Variants in CROCC2 observed in about 807,000 individuals in gnomAD.
The protein encoded by CROCC2 is ciliary rootlet coiled-coil protein 2.
A neutral mutation model predicts 177.6 loss-of-function variants in CROCC2; 163 were observed. The observed-to-expected ratio is 0.92, with a 90% CI of 0.81 to 1.05. The LOEUF is 1.05. Among genes scored for constraint, CROCC2 ranks in the 50% least tolerant of loss-of-function variants. CROCC2 has a pLI of 0.00. For synonymous variants in CROCC2, 904 were observed against 787.3 expected (o/e 1.15, Z -2.48); for missense variants, 1,929 against 1,797.8 (o/e 1.07, Z -1.32).
intron 30 of CROCC2, 91 bp from the exon 31 acceptor site, chr2:240,991,105 C>A: frequency 1.1e-6 from 1 of 939,468 alleles, no homozygotes; most frequent in Non-Finnish European, 1.5e-6. Flanking sequence ...GCCTCCAGCC[C>A]TTCCTGTCAC....
intron 3 of CROCC2, among the ~76,000 whole-genome samples, chr2:240,922,035 C>T (rs2059359877): frequency 6.6e-6 from 1 of 152,116 alleles, no homozygotes. Context: ...AGAGGAACCA[C>T]ACTCAATCTC....
At chr2:240,919,921 C>A in intron 2 of CROCC2, 62 bp from the exon 3 acceptor site, 4 of 674,496 alleles carry the variant, frequency 5.9e-6, no homozygotes. Context: ...GGAGACAGGG[C>A]ACAAGGCTGA....
chr2:240,940,263 G>C (rs1466121844), intron 14 of CROCC2, among the ~76,000 whole-genome samples: 1 of 151,982 alleles, frequency 6.6e-6, no homozygotes, highest in Non-Finnish European at 1.5e-5. Context: ...CTATTATTAG[G>C]TGTATATATA....
At chr2:240,974,992 G>A (rs2059749379) in intron 27 of CROCC2, among the ~76,000 whole-genome samples, 1 of 152,128 alleles carries the variant, frequency 6.6e-6, no homozygotes, top group African/African-American at 2.4e-5. Flanking sequence ...TTTGATCAGT[G>A]TCTGGGTGGA....
At position 240,968,100 on chromosome 2, in the gene CROCC2, CCCCTCAAGCCACCCTGCT is replaced by C; in HGVS notation, c.4268-28_4268-11del. The C allele has an allele frequency of 7.1e-7, 1 of 1,407,988 alleles. No homozygotes were observed. The highest frequency in any genetic ancestry group is 9.2e-7 in the Non-Finnish European group (1 of 1,082,008). The allele number at this position is 1,407,988 out of a possible 1,614,324, so 87.2% of individuals were successfully genotyped here. ...CTGTGACCTGGGAGGGGCATGGGGG[CCCCTCAAGCCACCCTGCT>C]TGCCCCACAGGCCAGCGCCGGGTGG... On this transcript the variant is annotated splice_polypyrimidine_tract_variant and intron_variant, in intron 26 of 31. Coordinates refer to ENST00000690015, the MANE Select transcript of CROCC2 (RefSeq NM_001351305.2).
intron 1 of CROCC2, among the ~76,000 whole-genome samples, chr2:240,914,607 C>CCCACCCCTCACTCAGGAGGTTCGCCCT: frequency 6.6e-6 from 1 of 152,334 alleles, no homozygotes; most frequent in South Asian, 2.1e-4. Context: ...CTGCCTCCAT[C>CCCACCCCTCACTCAGGAGGTTCGCCCT]CCACCCCTCA....
In CROCC2 at chr2:240,965,468, C is replaced by T. The variant is rs767630755; in HGVS notation, c.3553C>T (p.Arg1185Trp). ...AQCSQEVLEL[R>W]RQAAKAEAKH... is the part of the protein sequence containing the mutation. ...GTGCTCGCAGGAGGTGCTGGAGCTG[C>T]GGAGGCAGGCAGCCAAGGCAGAGGC... The change falls in exon 23 of 32, where the codon CGG becomes TGG. Residue 1185 changes from arginine to tryptophan, a missense_variant. Around this residue, in one of 3 missense-constraint regions of CROCC2, gnomAD observed 144 missense variants for 205.2 expected, o/e 0.70. Coordinates refer to ENST00000690015, the MANE Select transcript of CROCC2 (RefSeq NM_001351305.2). 13 of 1,549,842 alleles carry T rather than the reference C, an allele frequency of 8.4e-6. No individual in the cohort carries two copies. The highest frequency in any genetic ancestry group is 4.1e-5 in the African/African-American group (3 of 73,016).
At chr2:240,921,792 C>T (rs2059358878) in intron 3 of CROCC2, among the ~76,000 whole-genome samples, 1 of 152,228 alleles carries the variant, frequency 6.6e-6, no homozygotes, top group Non-Finnish European at 1.5e-5. Context: ...AGGAGGGGCC[C>T]CTTGGCTCTC....
rs2059605058 is a variant in CROCC2 at position 240,958,093 on chromosome 2, C to T, written c.2944-1208C>T. The T allele has an allele frequency of 1.0e-6, 1 of 985,270 alleles. No homozygotes were observed. 61.0% of individuals were successfully genotyped at this position (985,270 alleles called of 1,614,324 possible). On this transcript the variant is annotated intron_variant, in intron 19 of 31. Coordinates refer to ENST00000690015, the MANE Select transcript of CROCC2 (RefSeq NM_001351305.2). This position sits in a 1 kb window ranked among gnomAD's most constrained non-coding sequence, Gnocchi z 6.7. ...AGCTCGTTAAGGGTTCCTTTGCCACCTCGGCTCAGAAAATGGAAATTAAAA... is the reference window on the plus strand; with the variant it reads ...AGCTCGTTAAGGGTTCCTTTGCCACTTCGGCTCAGAAAATGGAAATTAAAA...
chr2:240,959,046 G>T (rs905218733), intron 19 of CROCC2: 9 of 440,858 alleles, frequency 2.0e-5, no homozygotes, highest in African/African-American at 1.4e-4. Flanking sequence ...GAGCTGAGGG[G>T]CTGCCTCCTG....
intron 5 of CROCC2, among the ~76,000 whole-genome samples, chr2:240,928,454 A>G (rs1392280205): frequency 2.1e-5 from 2 of 96,892 alleles, no homozygotes; most frequent in Admixed American, 1.1e-4. Context: ...GTGTGTGTGT[A>G]GCAAGAAATT....
intron 14 of CROCC2, among the ~76,000 whole-genome samples, chr2:240,938,518 T>C (rs1156381158): frequency 6.6e-6 from 1 of 152,264 alleles, no homozygotes; most frequent in Non-Finnish European, 1.5e-5. Flanking sequence ...TTGTTCTTTT[T>C]CAAGATCGTT....
intron 25 of CROCC2, 95 bp from the exon 26 acceptor site, chr2:240,967,250 T>C: frequency 1.9e-6 from 1 of 527,670 alleles, no homozygotes; most frequent in African/African-American, 1.9e-5. Context: ...GGCCAGACCG[T>C]GAGCGGCCCC....
chr2:240,934,505 C>A (rs552791168), intron 12 of CROCC2, 30 bp downstream of exon 12: 3 of 1,535,608 alleles, frequency 2.0e-6, no homozygotes, highest in African/African-American at 2.7e-5. Flanking sequence ...ACCCCGCCCC[C>A]TCTCCTGTCT....
At chr2:240,963,420 G>A in intron 20 of CROCC2, 136 bp from the exon 21 acceptor site, 1 of 896,804 alleles carries the variant, frequency 1.1e-6, no homozygotes, top group East Asian at 2.7e-5. Context: ...GCTCCATGGG[G>A]TGAGCAAAGC....
chr2:240,933,324 C>A lies in CROCC2; in HGVS notation c.1445C>A (p.Ser482Tyr). 6.5e-7 allele frequency: 1 copy of A among 1,527,248 alleles called. No homozygotes were observed. The highest frequency in any genetic ancestry group is 8.8e-7 in the Non-Finnish European group (1 of 1,139,368). 94.6% of individuals were successfully genotyped at this position (1,527,248 alleles called of 1,614,324 possible). Residue 482 changes from serine to tyrosine, a missense_variant, in exon 10 of 32, where the codon TCC becomes TAC. By Grantham distance (144) the Ser-to-Tyr change is moderately radical. Around this residue, in one of 3 missense-constraint regions of CROCC2, gnomAD observed 1,397 missense variants for 1,239.9 expected, o/e 1.13. Coordinates refer to ENST00000690015, the MANE Select transcript of CROCC2 (RefSeq NM_001351305.2). ...QRLEVQQCRA[S>Y]CKLLGREKAA... ...CTCGAGGTGCAGCAGTGCCGGGCATCCTGCAAGCTCCTGGGGAGGTAATGG... is the reference window on the plus strand; with the variant it reads ...CTCGAGGTGCAGCAGTGCCGGGCATACTGCAAGCTCCTGGGGAGGTAATGG...
intron 18 of CROCC2, chr2:240,950,978 T>G (rs1360431164): frequency 6.3e-6 from 1 of 157,602 alleles, no homozygotes; most frequent in Non-Finnish European, 1.4e-5. Flanking sequence ...CATCCATCCA[T>G]CCACCCATCC....
chr2:240,932,216 G>T, intron 7 of CROCC2, 102 bp from the exon 8 acceptor site: 1 of 627,776 alleles, frequency 1.6e-6, no homozygotes. Flanking sequence ...AGCACCGGCA[G>T]GGGGGCCACC....
At chr2:240,916,028 C>A (rs1007780583) in intron 1 of CROCC2, among the ~76,000 whole-genome samples, 1 of 152,124 alleles carries the variant, frequency 6.6e-6, no homozygotes, top group African/African-American at 2.4e-5. Flanking sequence ...CCCAGAAGGA[C>A]CCACAGGTCG....
Sources: gnomAD v4.1 joint callset for allele counts (sites outside exome capture counted in the v4.1 genomes callset) on GRCh38, gnomAD v4.1.1 for gene constraint, gnomAD v4.1.1 regional missense constraint, Gnocchi (gnomAD v3.1) non-coding constraint, MANE v1.5 for transcripts, NCBI Gene and HGNC (gene_info 2026-07-23, HGNC 2026-07-21) for gene names.